The following MACROD2 variants were observed in gnomAD, a reference collection of about 807,000 sequenced individuals.
The protein encoded by MACROD2 is ADP-ribose glycohydrolase MACROD2.
In MACROD2, 36 loss-of-function variants were observed where a neutral mutation model predicts 70.4. The ratio of observed to expected loss-of-function variants is 0.51; its 90% CI spans 0.39 to 0.68. MACROD2 has a LOEUF of 0.68. MACROD2 is among the 30% of genes least tolerant of loss of function. MACROD2 has a pLI of 0.00. For missense variants in MACROD2, 496 were observed against 538.4 expected, an observed-to-expected ratio of 0.92 and a Z score of 0.78; for synonymous variants, 172 against 178.8, an observed-to-expected ratio of 0.96 and a Z score of 0.30.
At chr20:14,248,055 T>C (rs1033229239) in intron 3 of MACROD2, among the ~76,000 whole-genome samples, 21 of 152,060 alleles carry the variant, frequency 1.4e-4, no homozygotes, top group African/African-American at 4.6e-4. Context: ...TAGCTACACT[T>C]AACACATTAC....
intron 4 of MACROD2, among the ~76,000 whole-genome samples, chr20:14,656,968 A>G (rs116122568): frequency 2.0e-3 from 306 of 152,294 alleles, no homozygotes; most frequent in African/African-American, 6.8e-3. Context: ...TGGCTGCTGT[A>G]CATACCTGTC....
chr20:14,362,715 G>A (rs1464484606), intron 3 of MACROD2, among the ~76,000 whole-genome samples: 1 of 152,028 alleles, frequency 6.6e-6, no homozygotes, highest in Non-Finnish European at 1.5e-5. Context: ...GAGAATTAAC[G>A]ATAGATTGAA....
At chr20:15,634,288 A>G (rs554929835) in intron 8 of MACROD2, among the ~76,000 whole-genome samples, 11 of 152,340 alleles carry the variant, frequency 7.2e-5, no homozygotes, top group South Asian at 2.1e-4. Context: ...GTGTGTTTCC[A>G]TATGCTTATT....
chr20:14,639,861 A>G (rs1984995386), intron 4 of MACROD2, among the ~76,000 whole-genome samples: 1 of 152,132 alleles, frequency 6.6e-6, no homozygotes. Context: ...AATGGGGAAC[A>G]CTTTTTTTAC....
rs1182272964 is a variant in MACROD2 at position 14,049,190 on chromosome 20, C to CAA, written c.164-36425_164-36424dup. On this transcript the variant is annotated intron_variant, in intron 2 of 17. Coordinates refer to ENST00000684519, the MANE Select transcript of MACROD2 (RefSeq NM_001351661.2). ...TATATTTAATAAAAAAAAAAAAAAACAAAAAAACAAAAAAGCCTATAACAG... is the reference window on the plus strand; with the variant it reads ...TATATTTAATAAAAAAAAAAAAAAACAAAAAAAAACAAAAAAGCCTATAACAG... Among the ~76,000 whole-genome samples, 20 of 134,882 alleles carry CAA rather than the reference C, an allele frequency of 1.5e-4. No homozygotes were observed. The East Asian group carries it at 2.9e-3, about 19-fold the overall frequency. The allele number at this position is 134,882 out of a possible 152,430, so 88.5% of individuals were successfully genotyped here. A position where few individuals can be genotyped will look rare whatever the true frequency, so the allele number is the denominator to read the frequency against.
intron 8 of MACROD2, among the ~76,000 whole-genome samples, chr20:15,773,003 C>T (rs2051663007): frequency 6.6e-6 from 1 of 152,132 alleles, no homozygotes; most frequent in African/African-American, 2.4e-5. Flanking sequence ...GGTGGGGATA[C>T]AGAGACAGAC....
chr20:14,465,253 T>C (rs201842674), intron 3 of MACROD2, among the ~76,000 whole-genome samples: 4 of 152,066 alleles, frequency 2.6e-5, no homozygotes, highest in African/African-American at 7.3e-5. Context: ...GGATAGTTAG[T>C]TCTTCTTGTT....
At chr20:15,989,129 A>G (rs1251152116) in intron 15 of MACROD2, among the ~76,000 whole-genome samples, 4 of 152,226 alleles carry the variant, frequency 2.6e-5, no homozygotes, top group Non-Finnish European at 5.9e-5. Context: ...TGCATGACAC[A>G]TAGAATGCAC....
chr20:15,088,541 G>T (rs751556213), intron 5 of MACROD2, among the ~76,000 whole-genome samples: 7 of 150,006 alleles, frequency 4.7e-5, no homozygotes, highest in African/African-American at 1.5e-4. Context: ...AAAATTAACT[G>T]CTGGATATGT....
At chr20:14,390,709 C>T (rs1568590775) in intron 3 of MACROD2, among the ~76,000 whole-genome samples, 1 of 152,084 alleles carries the variant, frequency 6.6e-6, no homozygotes, top group Non-Finnish European at 1.5e-5. Context: ...TAAAACTGGA[C>T]CCCTTACTTA....
intron 8 of MACROD2, among the ~76,000 whole-genome samples, chr20:15,802,566 A>G (rs2063735524): frequency 6.6e-6 from 1 of 152,120 alleles, no homozygotes; most frequent in Non-Finnish European, 1.5e-5. Context: ...AAAGTTTTCA[A>G]ATAAACACCC....
chr20:16,019,332 C>G (rs990200644), intron 15 of MACROD2, among the ~76,000 whole-genome samples: 2 of 152,128 alleles, frequency 1.3e-5, no homozygotes, highest in African/African-American at 4.8e-5. Context: ...AGGAGCCACA[C>G]TGGTGGAAAT....
intron 5 of MACROD2, among the ~76,000 whole-genome samples, chr20:15,196,090 G>C (rs1369198352): frequency 6.6e-6 from 1 of 152,150 alleles, no homozygotes; most frequent in Non-Finnish European, 1.5e-5. Context: ...GTGGAGCAGG[G>C]AAAGGGAGAG....
At chr20:15,820,388 C>G (rs1344964464) in intron 8 of MACROD2, among the ~76,000 whole-genome samples, 1 of 152,132 alleles carries the variant, frequency 6.6e-6, no homozygotes, top group East Asian at 1.9e-4. Flanking sequence ...GACAGGGTCT[C>G]ACCATGTTGC....
intron 8 of MACROD2, among the ~76,000 whole-genome samples, chr20:15,774,219 G>A (rs903390079): frequency 1.3e-5 from 2 of 152,066 alleles, no homozygotes; most frequent in Non-Finnish European, 2.9e-5. Context: ...TGCCTAAAGG[G>A]AGCAGGTTAT....
At chr20:15,225,298 G>A (rs2076896073) in intron 5 of MACROD2, among the ~76,000 whole-genome samples, 1 of 152,060 alleles carries the variant, frequency 6.6e-6, no homozygotes, top group Non-Finnish European at 1.5e-5. Flanking sequence ...GCACATTAAT[G>A]ATCTTTACAT....
chr20:15,303,341 T>C (rs931366792), intron 6 of MACROD2, among the ~76,000 whole-genome samples: 1 of 152,160 alleles, frequency 6.6e-6, no homozygotes, highest in Non-Finnish European at 1.5e-5. Context: ...AGCAGCAAAC[T>C]CTGCCTCACA....
At chr20:14,667,658 G>C (rs1321671374) in intron 4 of MACROD2, among the ~76,000 whole-genome samples, 1 of 151,994 alleles carries the variant, frequency 6.6e-6, no homozygotes, top group East Asian at 1.9e-4. Flanking sequence ...GGTTCTGCTG[G>C]GTAAAAAGAA....
chr20:15,319,152 C>T (rs2077846387), intron 6 of MACROD2, among the ~76,000 whole-genome samples: 2 of 152,054 alleles, frequency 1.3e-5, no homozygotes, highest in African/African-American at 4.8e-5. Flanking sequence ...AAATCAGTTG[C>T]TTCTATATAC....
Sources: gnomAD v4.1 joint callset for allele counts (sites outside exome capture counted in the v4.1 genomes callset) on GRCh38, gnomAD v4.1.1 for gene constraint, MANE v1.5 for transcripts, NCBI Gene and HGNC (gene_info 2026-07-23, HGNC 2026-07-21) for gene names.